FSTL5: variants seen among roughly 807,000 people sequenced by gnomAD.
FSTL5 encodes follistatin like 5.
In FSTL5, 62 loss-of-function variants were observed where a neutral mutation model predicts 89.1. That is an observed-to-expected ratio of 0.70 (90% CI 0.57 to 0.86). The LOEUF (loss-of-function observed/expected upper bound fraction) is 0.86, where lower values mean the gene tolerates loss of function less well. Ranked by LOEUF, FSTL5 falls within the 40% of genes least tolerant of loss-of-function variation. The pLI, the probability that FSTL5 is intolerant of heterozygous loss-of-function variation, is 0.00. For missense variants in FSTL5, 1,057 were observed against 1,001.6 expected (o/e 1.06, Z -0.75); for synonymous variants, 383 against 346.2 (o/e 1.11, Z -1.18).
chr4:162,068,442 C>A (rs752471375), intron 2 of FSTL5, among the ~76,000 whole-genome samples: 2 of 152,072 alleles, frequency 1.3e-5, no homozygotes, highest in Admixed American at 6.6e-5. Flanking sequence ...CAAAAGCAAG[C>A]AATGGGGGAA....
chr4:161,849,790 T>C (rs1024923103), intron 4 of FSTL5, among the ~76,000 whole-genome samples: 3 of 152,148 alleles, frequency 2.0e-5, no homozygotes, highest in Non-Finnish European at 4.4e-5. Flanking sequence ...ATACTGTCAA[T>C]CTACTTACAT....
At chr4:161,690,755 T>A (rs1737914207) in intron 6 of FSTL5, among the ~76,000 whole-genome samples, 1 of 152,100 alleles carries the variant, frequency 6.6e-6, no homozygotes, top group African/African-American at 2.4e-5. Flanking sequence ...ATTGCTCTCA[T>A]GTTTAACCTA....
intron 10 of FSTL5, among the ~76,000 whole-genome samples, chr4:161,516,643 T>C (rs975379016): frequency 2.3e-4 from 3 of 12,886 alleles, no homozygotes; most frequent in African/African-American, 7.3e-4. Flanking sequence ...AATTATATAT[T>C]TTATATAATA....
At chr4:162,105,613 CAT>C (rs747858228) in intron 2 of FSTL5, among the ~76,000 whole-genome samples, 53 of 151,966 alleles carry the variant, frequency 3.5e-4, no homozygotes, top group Middle Eastern at 3.4e-3. Flanking sequence ...ATTTTTCAAA[CAT>C]AATTTATTTT....
rs34223215 is a variant in FSTL5, at chr4:161,980,764, CTTTTTTTTTTTTTT to C, written c.160+52847_160+52860del. Among the ~76,000 whole-genome samples, 491 of 71,858 alleles carry C rather than the reference CTTTTTTTTTTTTTT, an allele frequency of 6.8e-3. 2 individuals are homozygous for C. Among genetic ancestry groups the C allele is most frequent in the South Asian group, 0.044 (66 of 1,502 alleles). 47.1% of individuals were successfully genotyped at this position (71,858 alleles called of 152,430 possible). Reference sequence around the variant, plus strand: ...ACTCAGTTGTACTTTCTTCAAGTAACTTTTTTTTTTTTTTTTTTTTTTTTTTTTTAGAGACAGAG... The same window carrying C: ...ACTCAGTTGTACTTTCTTCAAGTAACTTTTTTTTTTTTTTTAGAGACAGAG... On this transcript the variant is annotated intron_variant, in intron 3 of 15. Transcript: ENST00000306100.
intron 13 of FSTL5, among the ~76,000 whole-genome samples, chr4:161,477,497 T>A (rs897096882): frequency 6.6e-6 from 1 of 151,064 alleles, no homozygotes; most frequent in Admixed American, 6.6e-5. Flanking sequence ...TTCTCCCTTC[T>A]CTTTCTATTG....
chr4:161,910,335 G>C lies in FSTL5; in HGVS notation c.409+10069C>G, dbSNP rs140796575. On this transcript the variant is annotated intron_variant, in intron 4 of 15. Transcript: ENST00000306100. The stretch of plus-strand genomic sequence containing the variant: ...CTTCATCTTAACTATACAGTCCCTT[G>C]GCATTTTCTCTTTATTGTCATACTT... Among the ~76,000 whole-genome samples, 190 of 152,044 alleles carry C rather than the reference G, an allele frequency of 1.2e-3. 2 individuals are homozygous for C. The highest frequency in any genetic ancestry group is 4.2e-3 in the African/African-American group (176 of 41,496).
intron 8 of FSTL5, among the ~76,000 whole-genome samples, chr4:161,584,453 T>A (rs533884055): frequency 6.6e-6 from 1 of 152,332 alleles, no homozygotes; most frequent in South Asian, 2.1e-4. Flanking sequence ...TTATAAATTA[T>A]CTGCTTTTAA....
chr4:162,119,493 T>C lies in FSTL5; in HGVS notation c.-16-8081A>G, dbSNP rs1384053282. ...ATCTATATGAAAACACTAGCAAACA[T>C]GGTAATTTTTTCAGTTCTTTTTTAC... On this transcript the variant is annotated intron_variant, in intron 1 of 15. Coordinates refer to ENST00000306100, the MANE Select transcript of FSTL5 (RefSeq NM_020116.5). Among the ~76,000 whole-genome samples the C allele has an allele frequency of 3.3e-5, 5 of 152,184 alleles. No individual in the cohort carries two copies. The East Asian group carries it at 9.6e-4, about 29-fold the overall frequency.
At chr4:161,440,964 C>T (rs1451905686) in intron 15 of FSTL5, among the ~76,000 whole-genome samples, 1 of 152,116 alleles carries the variant, frequency 6.6e-6, no homozygotes, top group Non-Finnish European at 1.5e-5. Context: ...CATTTACCTA[C>T]CTGATACTTA....
At chr4:161,848,335 G>C (rs1262858802) in intron 4 of FSTL5, among the ~76,000 whole-genome samples, 1 of 152,072 alleles carries the variant, frequency 6.6e-6, no homozygotes, top group Admixed American at 6.6e-5. Flanking sequence ...ATTTAGGAGA[G>C]AGATGGTTAC....
At chr4:161,858,722 C>A (rs938536240) in intron 4 of FSTL5, among the ~76,000 whole-genome samples, 2 of 152,170 alleles carry the variant, frequency 1.3e-5, no homozygotes, top group Non-Finnish European at 2.9e-5. Context: ...ATGACCATGT[C>A]TTTTACTTCT....
chr4:161,759,161 T>A (rs752298113), intron 6 of FSTL5, among the ~76,000 whole-genome samples: 28 of 152,208 alleles, frequency 1.8e-4, no homozygotes, highest in Non-Finnish European at 2.5e-4. Context: ...GAGGAACTAA[T>A]GTCTTAAACT....
intron 7 of FSTL5, among the ~76,000 whole-genome samples, chr4:161,646,178 T>A (rs1736148500): frequency 6.7e-6 from 1 of 148,198 alleles, no homozygotes; most frequent in Admixed American, 6.8e-5. Context: ...ATATATATAA[T>A]ATATCATATA....
chr4:161,746,508 T>C (rs922340849), intron 6 of FSTL5, among the ~76,000 whole-genome samples: 6 of 152,084 alleles, frequency 3.9e-5, no homozygotes, highest in Non-Finnish European at 8.8e-5. Context: ...GACTGTAGCA[T>C]TTGACAATAT....
chr4:161,459,395 T>G, intron 13 of FSTL5, 76 bp from the exon 14 acceptor site: 289 of 666,332 alleles, frequency 4.3e-4, no homozygotes, highest in Non-Finnish European at 6.7e-4. Context: ...ATTATGAAGA[T>G]TCTAATTTAG....
intron 2 of FSTL5, among the ~76,000 whole-genome samples, chr4:162,084,490 A>G (rs1579014104): frequency 6.6e-6 from 1 of 152,264 alleles, no homozygotes; most frequent in East Asian, 1.9e-4. Context: ...TTATTGCAGC[A>G]CTATTCACAA....
At chr4:161,685,323 T>C (rs1737675762) in intron 6 of FSTL5, among the ~76,000 whole-genome samples, 1 of 152,162 alleles carries the variant, frequency 6.6e-6, no homozygotes, top group African/African-American at 2.4e-5. Context: ...ATTGAATTTG[T>C]AGATTGCTTT....
rs954891975 is a variant in FSTL5 at position 161,435,297 on chromosome 4, C to G, written c.1841+19707G>C. The stretch of plus-strand genomic sequence containing the variant: ...ACATGGATGTAACTGGAGGTCATTA[C>G]GTTAAGTGAAATAAGACAGGCACAG... On this transcript the variant is annotated intron_variant, in intron 15 of 15. Coordinates refer to ENST00000306100, the MANE Select transcript of FSTL5 (RefSeq NM_020116.5). 5.3e-5 allele frequency among the ~76,000 whole-genome samples: 8 copies of G among 151,954 alleles called. No individual in the cohort carries two copies. The South Asian group carries it at 6.2e-4, about 12-fold the overall frequency.
Sources: allele counts gnomAD v4.1 joint callset (sites outside exome capture counted in the v4.1 genomes callset), GRCh38; gene constraint gnomAD v4.1.1; transcripts MANE v1.5; gene names NCBI Gene and HGNC (gene_info 2026-07-23, HGNC 2026-07-21).